Variants in KCNQ5 observed in about 807,000 individuals in gnomAD.
KCNQ5 encodes the protein potassium voltage-gated channel subfamily Q member 5.
KCNQ5 carries 30 observed loss-of-function variants against 98.2 expected under a neutral mutation model. The ratio of observed to expected loss-of-function variants is 0.31; its 90% CI spans 0.23 to 0.41. KCNQ5 has a LOEUF of 0.41. Ranked by LOEUF, KCNQ5 falls within the 10% of genes least tolerant of loss-of-function variation. The pLI is 1.00. For synonymous variants in KCNQ5, 458 were observed against 449.4 expected (o/e 1.02, Z -0.24); for missense variants, 835 against 1,182.5 (o/e 0.71, Z 4.31).
chr6:72,938,921 TA>T (rs1766090484), intron 1 of KCNQ5, among the ~76,000 whole-genome samples: 1 of 152,168 alleles, frequency 6.6e-6, no homozygotes, highest in Non-Finnish European at 1.5e-5. Flanking sequence ...AAAGAAACGT[TA>T]AATACTTCTA....
chr6:72,822,307 G>A (rs1046660781), intron 1 of KCNQ5, among the ~76,000 whole-genome samples: 2 of 152,290 alleles, frequency 1.3e-5, no homozygotes, highest in Admixed American at 1.3e-4. Context: ...GGTCATTTGG[G>A]CGACTGCAGT....
At chr6:72,928,768 C>G (rs887214473) in intron 1 of KCNQ5, among the ~76,000 whole-genome samples, 1 of 152,002 alleles carries the variant, frequency 6.6e-6, no homozygotes, top group African/African-American at 2.4e-5. Flanking sequence ...TAGTCTAATT[C>G]CTATGGAAAT....
chr6:73,063,725 AG>A (rs1772920846), intron 3 of KCNQ5, among the ~76,000 whole-genome samples: 1 of 106,918 alleles, frequency 9.4e-6, no homozygotes, highest in Admixed American at 9.0e-5. Context: ...GATAGATGAT[AG>A]ATAGATAGAT....
At chr6:73,097,024 G>C (rs1447973420) in intron 5 of KCNQ5, among the ~76,000 whole-genome samples, 1 of 151,840 alleles carries the variant, frequency 6.6e-6, no homozygotes, top group Non-Finnish European at 1.5e-5. Context: ...CTGGGTGACA[G>C]AGTGACTCAG....
At chr6:72,699,014 G>A (rs754057001) in intron 1 of KCNQ5, among the ~76,000 whole-genome samples, 1 of 152,098 alleles carries the variant, frequency 6.6e-6, no homozygotes, top group Non-Finnish European at 1.5e-5. Flanking sequence ...AGAGTTAACC[G>A]TAACACAGTC....
chr6:72,780,893 A>G (rs1454929176), intron 1 of KCNQ5, among the ~76,000 whole-genome samples: 1 of 152,162 alleles, frequency 6.6e-6, no homozygotes, highest in Non-Finnish European at 1.5e-5. Flanking sequence ...CAATTTAATC[A>G]TAGAAAAGAA....
chr6:72,677,359 G>A (rs1767465770), intron 1 of KCNQ5: 1 of 152,124 alleles, frequency 6.6e-6, no homozygotes, highest in Non-Finnish European at 1.5e-5. Context: ...CCTCAGAAAT[G>A]GGAGTACTTA....
At chr6:73,096,940 G>A (rs1404289732) in intron 5 of KCNQ5, among the ~76,000 whole-genome samples, 3 of 152,010 alleles carry the variant, frequency 2.0e-5, no homozygotes, top group African/African-American at 4.8e-5. Flanking sequence ...CTACTCAAGA[G>A]GCTGAAACAG....
At chr6:72,839,899 C>T (rs949323011) in intron 1 of KCNQ5, among the ~76,000 whole-genome samples, 2 of 152,100 alleles carry the variant, frequency 1.3e-5, no homozygotes, top group African/African-American at 4.8e-5. Context: ...AAACTTATTT[C>T]TCATATCAGT....
chr6:72,877,118 A>G (rs888395146), intron 1 of KCNQ5, among the ~76,000 whole-genome samples: 1 of 151,982 alleles, frequency 6.6e-6, no homozygotes, highest in African/African-American at 2.4e-5. Context: ...ACATAGGTAT[A>G]CATGTGCCAT....
intron 1 of KCNQ5, among the ~76,000 whole-genome samples, chr6:72,900,804 G>A (rs1432083910): frequency 1.3e-5 from 2 of 151,746 alleles, no homozygotes; most frequent in African/African-American, 4.8e-5. Context: ...CTGCATCCAC[G>A]CCAACACCTA....
intron 1 of KCNQ5, among the ~76,000 whole-genome samples, chr6:72,950,371 C>T (rs1766741184): frequency 6.6e-6 from 1 of 152,212 alleles, no homozygotes; most frequent in Non-Finnish European, 1.5e-5. Flanking sequence ...AAGGCACAGT[C>T]TGAAGTCACT....
At chr6:72,908,913 C>T (rs1257892704) in intron 1 of KCNQ5, among the ~76,000 whole-genome samples, 1 of 152,078 alleles carries the variant, frequency 6.6e-6, no homozygotes, top group Non-Finnish European at 1.5e-5. Flanking sequence ...GCCACCTGTG[C>T]TTTACTCCAA....
chr6:73,189,663 C>T (rs1765511965), intron 11 of KCNQ5, among the ~76,000 whole-genome samples: 2 of 152,186 alleles, frequency 1.3e-5, no homozygotes, highest in Admixed American at 1.3e-4. Flanking sequence ...TAAGGCTACA[C>T]AAACTAATTC....
chr6:72,737,409 G>A (rs1582196985), intron 1 of KCNQ5, among the ~76,000 whole-genome samples: 2 of 151,688 alleles, frequency 1.3e-5, no homozygotes, highest in East Asian at 3.9e-4. Context: ...ACTGCCTCTG[G>A]TGGGACAACA....
At chr6:72,895,583 C>A (rs1343079306) in intron 1 of KCNQ5, among the ~76,000 whole-genome samples, 2 of 150,750 alleles carry the variant, frequency 1.3e-5, no homozygotes, top group Non-Finnish European at 3.0e-5. Flanking sequence ...TTAGTCATTA[C>A]CGTGTACAGT....
intron 1 of KCNQ5, among the ~76,000 whole-genome samples, chr6:72,887,157 A>G (rs1051824895): frequency 6.6e-6 from 1 of 152,210 alleles, no homozygotes; most frequent in Non-Finnish European, 1.5e-5. Context: ...GTCCATTTTT[A>G]TGCTGCAGAT....
intron 1 of KCNQ5, among the ~76,000 whole-genome samples, chr6:72,780,048 A>C (rs1582275109): frequency 6.6e-6 from 1 of 152,154 alleles, no homozygotes; most frequent in Non-Finnish European, 1.5e-5. Flanking sequence ...ATAGTCTTGC[A>C]TAATTTTTCA....
At chr6:72,916,041 C>T (rs1780122459) in intron 1 of KCNQ5, among the ~76,000 whole-genome samples, 1 of 152,094 alleles carries the variant, frequency 6.6e-6, no homozygotes, top group African/African-American at 2.4e-5. Flanking sequence ...TGGTTTTTAT[C>T]TCTGATAGAT....
Sources: gnomAD v4.1 joint callset for allele counts (sites outside exome capture counted in the v4.1 genomes callset) on GRCh38, gnomAD v4.1.1 for gene constraint, MANE v1.5 for transcripts, NCBI Gene and HGNC (gene_info 2026-07-23, HGNC 2026-07-21) for gene names.